NEO1: variants seen among roughly 807,000 people sequenced by gnomAD.
NEO1 encodes neogenin.
In NEO1, 63 loss-of-function variants were observed where a neutral mutation model predicts 159.7. That is an observed-to-expected ratio of 0.39 (90% CI 0.32 to 0.49). The LOEUF is 0.49. Among genes scored for constraint, NEO1 ranks in the 20% least tolerant of loss-of-function variants. NEO1 has a pLI of 0.85. For synonymous variants in NEO1, 633 were observed against 662.0 expected (o/e 0.96, Z 0.67); for missense variants, 1,615 against 1,831.0 (o/e 0.88, Z 2.15).
At chr15:73,076,237 A>G (rs930280309) in intron 1 of NEO1, among the ~76,000 whole-genome samples, 1 of 152,184 alleles carries the variant, frequency 6.6e-6, no homozygotes, top group African/African-American at 2.4e-5. Flanking sequence ...ATTAATAGCA[A>G]TATGGGGGCA....
intron 7 of NEO1, among the ~76,000 whole-genome samples, chr15:73,213,201 G>T (rs55641864): frequency 0.44 from 66,388 of 151,872 alleles, 15,577 homozygotes; most frequent in Admixed American, 0.53. Context: ...GGCTCTTTTT[G>T]TTGTTGTTGT....
intron 7 of NEO1, among the ~76,000 whole-genome samples, chr15:73,226,091 G>A (rs930897955): frequency 6.6e-6 from 1 of 152,168 alleles, no homozygotes; most frequent in African/African-American, 2.4e-5. Context: ...TTCAGGAGAG[G>A]AGAATCTCCC....
intron 9 of NEO1, 82 bp downstream of exon 9, chr15:73,244,580 A>C: frequency 7.0e-7 from 1 of 1,424,930 alleles, no homozygotes; most frequent in South Asian, 1.4e-5. Context: ...TGCACACCAT[A>C]GGGGAGCAGA....
At chr15:73,125,938 T>C (rs1449620812) in intron 3 of NEO1, among the ~76,000 whole-genome samples, 1 of 152,224 alleles carries the variant, frequency 6.6e-6, no homozygotes, top group Non-Finnish European at 1.5e-5. Flanking sequence ...TTGCTCAGTC[T>C]CCACTGTTTG....
rs2036649125 is a variant in NEO1, at chr15:73,198,205, T to C, written c.1291+19778T>C. Among the ~76,000 whole-genome samples the C allele has an allele frequency of 2.0e-5, 3 of 152,186 alleles. No individual in the cohort carries two copies. In the South Asian group the frequency reaches 6.2e-4, roughly 32 times the overall value. ...TAGCAGCACTCAGGATTCATCATGA[T>C]ACCTTTTCCCTCACCAAACAATTAA... is the stretch of plus-strand genomic sequence containing the variant. On this transcript the variant is annotated intron_variant, in intron 7 of 28. Coordinates refer to ENST00000261908, the MANE Select transcript of NEO1 (RefSeq NM_002499.4).
At chr15:73,214,578 C>T (rs1056245898) in intron 7 of NEO1, among the ~76,000 whole-genome samples, 1 of 152,064 alleles carries the variant, frequency 6.6e-6, no homozygotes, top group Non-Finnish European at 1.5e-5. Flanking sequence ...GATCAGTTGG[C>T]TGTTAAGTAT....
At chr15:73,270,583 G>T in intron 18 of NEO1, 129 bp downstream of exon 18, 1 of 1,039,688 alleles carries the variant, frequency 9.6e-7, no homozygotes, top group Non-Finnish European at 1.4e-6. Context: ...TGCTATTTCA[G>T]CTGACAAGTT....
chr15:73,155,234 A>ATGGTGGTGG (rs1185952231), intron 5 of NEO1, among the ~76,000 whole-genome samples: 1 of 151,072 alleles, frequency 6.6e-6, no homozygotes, highest in Non-Finnish European at 1.5e-5. Context: ...GGTGATACTG[A>ATGGTGGTGG]TGGTGGTGGT....
chr15:73,121,798 A>G (rs1251931240), intron 2 of NEO1, among the ~76,000 whole-genome samples: 1 of 152,094 alleles, frequency 6.6e-6, no homozygotes, highest in South Asian at 2.1e-4. Context: ...AGATTTAATC[A>G]GAGGAAGCTC....
At chr15:73,080,365 C>CTG (rs2068978787) in intron 1 of NEO1, among the ~76,000 whole-genome samples, 1 of 152,140 alleles carries the variant, frequency 6.6e-6, no homozygotes, top group Admixed American at 6.5e-5. Flanking sequence ...TTTTCCTCAA[C>CTG]ATGTCTTCAT....
At chr15:73,150,005 C>T (rs1006255456) in intron 5 of NEO1, among the ~76,000 whole-genome samples, 7 of 152,158 alleles carry the variant, frequency 4.6e-5, no homozygotes, top group African/African-American at 9.7e-5. Context: ...TCTTCATCCC[C>T]TCTCACCTTG....
rs180893770 is a variant in NEO1, at chr15:73,064,150, C to T, written c.130+11345C>T. Among the ~76,000 whole-genome samples, 46 of 152,232 alleles carry T rather than the reference C, an allele frequency of 3.0e-4. 1 individual carries two copies. Among genetic ancestry groups the T allele is most frequent in the Admixed American group, 2.5e-3 (38 of 15,298 alleles). On this transcript the variant is annotated intron_variant, in intron 1 of 28. Transcript: ENST00000261908. The stretch of plus-strand genomic sequence containing the variant: ...AGAGGCATTTCTGTTTCAGAGTCAG[C>T]CTTGTTAGTAATTGAAATTTTGGGG...
rs114709386 is a variant in NEO1 at position 73,215,595 on chromosome 15, C to T, written c.1292-20752C>T. On this transcript the variant is annotated intron_variant, in intron 7 of 28. Coordinates refer to ENST00000261908, the MANE Select transcript of NEO1 (RefSeq NM_002499.4). ...TGGTTTATCACATTTAATTCACTTG[C>T]GTATGTTAAACCATCTCTGCATCCC... Among the ~76,000 whole-genome samples the T allele has an allele frequency of 8.6e-3, 1,315 of 152,236 alleles. 23 individuals carry two copies. The highest frequency in any genetic ancestry group is 0.03 in the African/African-American group (1,241 of 41,538).
At chr15:73,269,983 T>C (rs1229630422) in intron 16 of NEO1, 27 bp from the exon 17 acceptor site, 1 of 1,561,630 alleles carries the variant, frequency 6.4e-7, no homozygotes, top group Admixed American at 1.7e-5. Flanking sequence ...AAATGCCACT[T>C]CCCTTTTTAA....
chr15:73,118,979 T>A (rs1360247845), intron 2 of NEO1, among the ~76,000 whole-genome samples: 1 of 150,162 alleles, frequency 6.7e-6, no homozygotes, highest in African/African-American at 2.4e-5. Context: ...TTGGGATTGC[T>A]GGATCATAGG....
chr15:73,071,411 A>T (rs2068525546), intron 1 of NEO1, among the ~76,000 whole-genome samples: 2 of 152,212 alleles, frequency 1.3e-5, no homozygotes, highest in South Asian at 4.1e-4. Flanking sequence ...AGAACAGGAT[A>T]TTGCTTCAGA....
chr15:73,208,211 A>G (rs1481122161), intron 7 of NEO1, among the ~76,000 whole-genome samples: 1 of 152,230 alleles, frequency 6.6e-6, no homozygotes, highest in African/African-American at 2.4e-5. Context: ...GAATTTCACA[A>G]AGCAATTGAT....
intron 11 of NEO1, among the ~76,000 whole-genome samples, chr15:73,251,729 C>T (rs916694786): frequency 3.9e-5 from 6 of 152,112 alleles, no homozygotes; most frequent in Non-Finnish European, 7.4e-5. Context: ...GGGAACTGAA[C>T]ACATCTCAGC....
intron 7 of NEO1, among the ~76,000 whole-genome samples, chr15:73,209,003 C>T (rs2037397647): frequency 6.6e-6 from 1 of 152,254 alleles, no homozygotes; most frequent in African/African-American, 2.4e-5. Flanking sequence ...CTCCTGAGAG[C>T]AGATGTTTAT....
Sources: gnomAD v4.1 joint callset for allele counts (sites outside exome capture counted in the v4.1 genomes callset) on GRCh38, gnomAD v4.1.1 for gene constraint, MANE v1.5 for transcripts, NCBI Gene and HGNC (gene_info 2026-07-23, HGNC 2026-07-21) for gene names.